Variants in DAAM2 observed in about 807,000 individuals in gnomAD.
DAAM2 encodes disheveled-associated activator of morphogenesis 2.
In DAAM2, 39 loss-of-function variants were observed where a neutral mutation model predicts 120.7. That is an observed-to-expected ratio of 0.32 (90% CI 0.25 to 0.42). The LOEUF is 0.42. Ranked by LOEUF, DAAM2 falls within the 10% of genes least tolerant of loss-of-function variation. The pLI, the probability that DAAM2 is intolerant of heterozygous loss-of-function variation, is 1.00. For synonymous variants in DAAM2, 488 were observed against 524.9 expected, an observed-to-expected ratio of 0.93 and a Z score of 0.96; for missense variants, 1,283 against 1,401.7, an observed-to-expected ratio of 0.92 and a Z score of 1.35.
chr6:39,855,190 C>A (rs1379315039), intron 1 of DAAM2, among the ~76,000 whole-genome samples: 1 of 152,126 alleles, frequency 6.6e-6, no homozygotes, highest in African/African-American at 2.4e-5. Flanking sequence ...TCTACTGAAC[C>A]CCCCTAGGTT....
chr6:39,865,139 G>A (rs1009509708), intron 5 of DAAM2, 65 bp downstream of exon 5: 17 of 963,318 alleles, frequency 1.8e-5, no homozygotes, highest in Non-Finnish European at 2.0e-5. Context: ...TTGCCTTCCC[G>A]AAGCCCTGTG....
At chr6:39,796,646 T>TA (rs66966923) in intron 1 of DAAM2, among the ~76,000 whole-genome samples, 4 of 136,728 alleles carry the variant, frequency 2.9e-5, no homozygotes, top group South Asian at 2.3e-4. Context: ...AAAAAACCTG[T>TA]AAAAAAAAAA....
intron 1 of DAAM2, among the ~76,000 whole-genome samples, chr6:39,847,329 G>A (rs544398549): frequency 1.3e-5 from 2 of 152,262 alleles, no homozygotes; most frequent in South Asian, 4.2e-4. Flanking sequence ...TGGTGGGAGA[G>A]CTGGGAGTGG....
intron 21 of DAAM2, among the ~76,000 whole-genome samples, chr6:39,898,499 T>C (rs1231119846): frequency 2.0e-5 from 3 of 152,196 alleles, no homozygotes; most frequent in African/African-American, 7.2e-5. Context: ...TAGTGGTAAA[T>C]GGCTCACTGG....
intron 1 of DAAM2, among the ~76,000 whole-genome samples, chr6:39,809,324 C>T (rs1762097732): frequency 6.6e-6 from 1 of 152,108 alleles, no homozygotes; most frequent in Non-Finnish European, 1.5e-5. Context: ...CTTAATTTAC[C>T]TAGTTCATTG....
chr6:39,826,003 G>A (rs1483998565), intron 1 of DAAM2, among the ~76,000 whole-genome samples: 1 of 152,204 alleles, frequency 6.6e-6, no homozygotes, highest in Non-Finnish European at 1.5e-5. Context: ...CATGGTGCAG[G>A]TGTGTTGGCA....
In DAAM2 at chr6:39,886,202, C is replaced by T. The variant is rs143348967; in HGVS notation, c.1954-1284C>T. On this transcript the variant is annotated intron_variant, in intron 15 of 24. Transcript: ENST00000274867. ...CAGATGGGAGGAGCTGCCTGATCTCCGCTTCGTTTGGCTTCTCCGTGAGTG... is the reference window on the plus strand; with the variant it reads ...CAGATGGGAGGAGCTGCCTGATCTCTGCTTCGTTTGGCTTCTCCGTGAGTG... The T allele has an allele frequency of 1.8e-3, 694 of 388,388 alleles. 2 individuals are homozygous for T. Among genetic ancestry groups the T allele is most frequent in the African/African-American group, 0.012 (569 of 48,482 alleles). 24.1% of individuals were successfully genotyped at this position (388,388 alleles called of 1,614,324 possible).
At position 39,879,417 on chromosome 6, in the gene DAAM2, A is replaced by C; in HGVS notation, c.1785A>C (p.Lys595Asn). Reference protein sequence around the residue: ...PYPSSDVPLRKKRVPQPSHPL... With the variant: ...PYPSSDVPLRNKRVPQPSHPL... ...CCAGCAGTGACGTCCCACTCAGGAAAAAGCGTGTCCCCCAGCCTTCTCACC... is the reference window on the plus strand; with the variant it reads ...CCAGCAGTGACGTCCCACTCAGGAACAAGCGTGTCCCCCAGCCTTCTCACC... The change falls in exon 14 of 25, where the codon AAA (lysine) becomes AAC (asparagine). Residue 595 changes from lysine (K) to asparagine (N), a missense_variant. Lys to Asn is a moderately conservative substitution (Grantham distance 94). Coordinates refer to ENST00000274867, the MANE Select transcript of DAAM2 (RefSeq NM_001201427.2). 2.5e-6 allele frequency: 4 copies of C among 1,613,962 alleles called. No individual in the cohort carries two copies. The highest frequency in any genetic ancestry group is 3.4e-6 in the Non-Finnish European group (4 of 1,179,884).
chr6:39,829,022 T>C lies in DAAM2; in HGVS notation c.-56-27225T>C, dbSNP rs528046157. Among the ~76,000 whole-genome samples the C allele has an allele frequency of 2.0e-5, 3 of 152,364 alleles. No homozygotes were observed. The East Asian group carries it at 5.8e-4, about 29-fold the overall frequency. On this transcript the variant is annotated intron_variant, in intron 1 of 24. Coordinates refer to ENST00000274867, the MANE Select transcript of DAAM2 (RefSeq NM_001201427.2). Reference sequence around the variant, plus strand: ...TAGTAGGTCCTTATTAAATATTGGCTGCATGAATGAATAGCAGAGATGCAA... The same window carrying C: ...TAGTAGGTCCTTATTAAATATTGGCCGCATGAATGAATAGCAGAGATGCAA...
At chr6:39,868,459 A>C in intron 6 of DAAM2, 1 of 248,228 alleles carries the variant, frequency 4.0e-6, no homozygotes, top group African/African-American at 2.2e-5. Flanking sequence ...TCTGCAGAAG[A>C]CGGAAAAGGG....
intron 14 of DAAM2, chr6:39,881,796 A>G (rs1350446935): frequency 6.6e-6 from 1 of 152,170 alleles, no homozygotes. Context: ...TGACACATAG[A>G]AAGTCTTCAT....
chr6:39,901,237 C>T lies in DAAM2; in HGVS notation c.2812-65C>T. 3.4e-6 allele frequency: 5 copies of T among 1,491,128 alleles called. No homozygotes were observed. The highest frequency in any genetic ancestry group is 1.8e-4 in the Middle Eastern group (1 of 5,642). The allele number at this position is 1,491,128 out of a possible 1,614,324, so 92.4% of individuals were successfully genotyped here. ...TCTGCTCTGGCTAGAACCCAGCTAA[C>T]CTCAGGGGCTGAGCCCAGCATGCTC... On this transcript the variant is annotated intron_variant, in intron 23 of 24. Coordinates refer to ENST00000274867, the MANE Select transcript of DAAM2 (RefSeq NM_001201427.2). This position sits in a 1 kb window ranked among gnomAD's most constrained non-coding sequence, Gnocchi z 4.5.
intron 1 of DAAM2, among the ~76,000 whole-genome samples, chr6:39,837,488 C>A (rs1763146009): frequency 6.6e-6 from 1 of 151,804 alleles, no homozygotes; most frequent in Non-Finnish European, 1.5e-5. Flanking sequence ...TATGATGAAA[C>A]CCCGTCTCTA....
At chr6:39,845,509 CA>C (rs1293022406) in intron 1 of DAAM2, among the ~76,000 whole-genome samples, 9 of 149,504 alleles carry the variant, frequency 6.0e-5, no homozygotes, top group Non-Finnish European at 1.3e-4. Flanking sequence ...ACACCAAGTA[CA>C]CATACCACAC....
rs767109038 is a variant in DAAM2 at position 39,904,282 on chromosome 6, C to CTAT, written c.*2247_*2249dup. The CTAT allele has an allele frequency of 4.8e-5, 22 of 456,736 alleles. No individual in the cohort carries two copies. The highest frequency in any genetic ancestry group is 1.2e-4 in the South Asian group (8 of 64,574). 28.3% of individuals were successfully genotyped at this position (456,736 alleles called of 1,614,324 possible). A position where few individuals can be genotyped will look rare whatever the true frequency, so the allele number is the denominator to read the frequency against. ...CTCACTCTAAAAGAAAGATATTTTTCTATTTATTTTCTACATCTGGCCAGT... is the reference window on the plus strand; with the variant it reads ...CTCACTCTAAAAGAAAGATATTTTTCTATTATTTATTTTCTACATCTGGCCAGT... On this transcript the variant is annotated 3_prime_UTR_variant, in exon 25 of 25. Coordinates refer to ENST00000274867, the MANE Select transcript of DAAM2 (RefSeq NM_001201427.2).
At chr6:39,816,906 G>A (rs756319109) in intron 1 of DAAM2, among the ~76,000 whole-genome samples, 3 of 152,194 alleles carry the variant, frequency 2.0e-5, no homozygotes, top group Non-Finnish European at 4.4e-5. Context: ...ATGGCCTTTG[G>A]TTTTTGGCTT....
At position 39,901,662 on chromosome 6, in the gene DAAM2, G is replaced by C. The variant is rs1298839277; in HGVS notation, c.2983-151G>C. On this transcript the variant is annotated intron_variant, in intron 24 of 24. Coordinates refer to ENST00000274867, the MANE Select transcript of DAAM2 (RefSeq NM_001201427.2). The surrounding 1 kb of genome is among the most constrained non-coding windows in gnomAD (Gnocchi z 4.5). ...GGAAGAGAGTGGTGTGAAGCTGGGG[G>C]CCTGTATGTCCTAGGCAGGAAGAAA... 2.1e-6 allele frequency: 2 copies of C among 942,460 alleles called. No homozygotes were observed. The highest frequency in any genetic ancestry group is 1.7e-5 in the African/African-American group (1 of 60,262). 58.4% of individuals were successfully genotyped at this position (942,460 alleles called of 1,614,324 possible). A position where few individuals can be genotyped will look rare whatever the true frequency, so the allele number is the denominator to read the frequency against.
intron 6 of DAAM2, 170 bp from the exon 7 acceptor site, chr6:39,868,653 A>G (rs545520225): frequency 3.2e-5 from 19 of 593,812 alleles, no homozygotes; most frequent in Admixed American, 5.9e-5. Context: ...GGAATTTTCC[A>G]GGCAGAGGTG....
At chr6:39,842,392 G>T (rs191578414) in intron 1 of DAAM2, among the ~76,000 whole-genome samples, 2 of 152,198 alleles carry the variant, frequency 1.3e-5, no homozygotes, top group Admixed American at 6.5e-5. Context: ...AGCACTTTGG[G>T]AGGCCAAGGC....
Sources: gnomAD v4.1 joint callset for allele counts (sites outside exome capture counted in the v4.1 genomes callset) on GRCh38, gnomAD v4.1.1 for gene constraint, Gnocchi (gnomAD v3.1) non-coding constraint, MANE v1.5 for transcripts, NCBI Gene and HGNC (gene_info 2026-07-23, HGNC 2026-07-21) for gene names.